The following SLC8A1 variants were observed in gnomAD, a reference collection of about 807,000 sequenced individuals.
SLC8A1 encodes the protein sodium/calcium exchanger 1.
In SLC8A1, 18 loss-of-function variants were observed where a neutral mutation model predicts 68.3. The observed-to-expected ratio is 0.26, with a 90% CI of 0.18 to 0.39. SLC8A1 has a LOEUF of 0.39. Ranked by LOEUF, SLC8A1 falls within the 10% of genes least tolerant of loss-of-function variation. The pLI is 1.00. For synonymous variants in SLC8A1, 475 were observed against 415.5 expected (o/e 1.14, Z -1.74); for missense variants, 985 against 1,156.7 (o/e 0.85, Z 2.15).
intron 2 of SLC8A1, among the ~76,000 whole-genome samples, chr2:40,352,017 A>G (rs1428534457): frequency 1.3e-5 from 2 of 152,220 alleles, no homozygotes; most frequent in Admixed American, 1.3e-4. Flanking sequence ...GGAAACATGA[A>G]AAGGTTTTTA....
At chr2:40,271,334 T>G (rs952951364) in intron 2 of SLC8A1, among the ~76,000 whole-genome samples, 2 of 152,076 alleles carry the variant, frequency 1.3e-5, no homozygotes, top group African/African-American at 4.8e-5. Flanking sequence ...CAAACCAGCT[T>G]GTGTCTCGGC....
chr2:40,488,225 G>GAA (rs71406073), intron 1 of SLC8A1, among the ~76,000 whole-genome samples: 100 of 132,350 alleles, frequency 7.6e-4, no homozygotes, highest in Admixed American at 2.1e-3. Context: ...TCTGTAGACA[G>GAA]AAAAAAAAAA....
chr2:40,387,595 T>C (rs980144503), intron 2 of SLC8A1, among the ~76,000 whole-genome samples: 3 of 151,366 alleles, frequency 2.0e-5, no homozygotes, highest in African/African-American at 7.4e-5. Flanking sequence ...CATAATAAAC[T>C]ATCTATGCTA....
At chr2:40,423,917 CATAA>C (rs1336887099) in intron 2 of SLC8A1, among the ~76,000 whole-genome samples, 1 of 151,928 alleles carries the variant, frequency 6.6e-6, no homozygotes, top group African/African-American at 2.4e-5. Flanking sequence ...TCTAAAAAGA[CATAA>C]ATATTCTGTT....
At chr2:40,303,690 T>C (rs1006009219) in intron 2 of SLC8A1, among the ~76,000 whole-genome samples, 1 of 152,164 alleles carries the variant, frequency 6.6e-6, no homozygotes, top group Non-Finnish European at 1.5e-5. Context: ...TATAATTTGC[T>C]ATAAAAATGG....
chr2:40,212,271 G>C (rs528295719), intron 2 of SLC8A1, among the ~76,000 whole-genome samples: 1 of 123,912 alleles, frequency 8.1e-6, no homozygotes. Context: ...CTAAACAGAA[G>C]AGATGCAATA....
At chr2:40,204,411 C>A (rs977562766) in intron 2 of SLC8A1, among the ~76,000 whole-genome samples, 2 of 151,996 alleles carry the variant, frequency 1.3e-5, no homozygotes, top group Admixed American at 6.6e-5. Context: ...TTGAGAGTAA[C>A]CACAATGACA....
intron 2 of SLC8A1, among the ~76,000 whole-genome samples, chr2:40,269,842 A>C (rs1457290100): frequency 1.3e-5 from 2 of 152,034 alleles, no homozygotes; most frequent in African/African-American, 4.8e-5. Flanking sequence ...CACGTGCACA[A>C]TGTGCAGGTT....
intron 2 of SLC8A1, among the ~76,000 whole-genome samples, chr2:40,378,292 A>C (rs1239174447): frequency 6.6e-6 from 1 of 152,158 alleles, no homozygotes; most frequent in African/African-American, 2.4e-5. Flanking sequence ...CCATCTGAGT[A>C]ACAGCCTGAA....
At chr2:40,429,131 C>T (rs761424180) in exon 2 of SLC8A1, 5 of 1,613,050 alleles carry the variant, frequency 3.1e-6, no homozygotes, top group Non-Finnish European at 4.2e-6. Flanking sequence ...GCTTGGTCAG[C>T]TGCATGCCTC....
chr2:40,175,079 T>G (rs957678305), intron 3 of SLC8A1, among the ~76,000 whole-genome samples, 182 bp downstream of exon 4: 2 of 152,148 alleles, frequency 1.3e-5, no homozygotes, highest in African/African-American at 4.8e-5. Context: ...TTCAAAAGGT[T>G]GTACTAAATT....
intron 2 of SLC8A1, among the ~76,000 whole-genome samples, chr2:40,410,176 TG>T (rs1691665608): frequency 6.6e-6 from 1 of 152,012 alleles, no homozygotes; most frequent in Admixed American, 6.6e-5. Flanking sequence ...ATCTTGGAAA[TG>T]GGTTGTTCGA....
exon 8 of SLC8A1, chr2:40,112,696 A>G (rs956754044): frequency 3.3e-5 from 5 of 152,534 alleles, no homozygotes; most frequent in African/African-American, 9.7e-5. Context: ...GATGGGTTAG[A>G]ATGACAAAGA....
chr2:40,382,680 A>G (rs1477159716), intron 2 of SLC8A1, among the ~76,000 whole-genome samples: 3 of 148,078 alleles, frequency 2.0e-5, no homozygotes, highest in African/African-American at 7.5e-5. Flanking sequence ...AAAATCGTAT[A>G]TTATAGGTAT....
chr2:40,319,680 GTCT>G (rs2074951744), intron 2 of SLC8A1, among the ~76,000 whole-genome samples: 1 of 152,068 alleles, frequency 6.6e-6, no homozygotes, highest in Non-Finnish European at 1.5e-5. Context: ...GTAACACGAA[GTCT>G]TCATTTGACT....
At chr2:40,480,207 C>T (rs565935904) in intron 1 of SLC8A1, among the ~76,000 whole-genome samples, 1 of 152,174 alleles carries the variant, frequency 6.6e-6, no homozygotes, top group South Asian at 2.1e-4. Flanking sequence ...TGCTCTCTTC[C>T]CCAAATGTGA....
intron 2 of SLC8A1, among the ~76,000 whole-genome samples, chr2:40,371,784 C>T (rs1212479103): frequency 2.6e-5 from 4 of 152,164 alleles, no homozygotes; most frequent in South Asian, 2.1e-4. Context: ...CCTCTGGAAA[C>T]CCGATCTCTG....
At chr2:40,341,702 T>G (rs1390355101) in intron 2 of SLC8A1, among the ~76,000 whole-genome samples, 2 of 152,158 alleles carry the variant, frequency 1.3e-5, no homozygotes, top group Non-Finnish European at 2.9e-5. Context: ...TTTTCAAGAT[T>G]ATATAAATGT....
chr2:40,291,453 A>C (rs1213473277), intron 2 of SLC8A1, among the ~76,000 whole-genome samples: 1 of 152,166 alleles, frequency 6.6e-6, no homozygotes, highest in Non-Finnish European at 1.5e-5. Context: ...CCTAGGTTTC[A>C]AGCTGGGAGT....
Sources: allele counts gnomAD v4.1 joint callset (sites outside exome capture counted in the v4.1 genomes callset), GRCh38; gene constraint gnomAD v4.1.1; transcripts MANE v1.5; gene names NCBI Gene and HGNC (gene_info 2026-07-23, HGNC 2026-07-21).